The following CNTN4 variants were observed in gnomAD, a reference collection of about 807,000 sequenced individuals.
The protein encoded by CNTN4 is contactin 4, also known as contactin-4.
Under a neutral mutation model 122.5 loss-of-function variants are expected in CNTN4, and 77 were observed. The ratio of observed to expected loss-of-function variants is 0.63; its 90% CI spans 0.52 to 0.76. The LOEUF (loss-of-function observed/expected upper bound fraction) is 0.76. Among genes scored for constraint, CNTN4 ranks in the 30% least tolerant of loss-of-function variants. The pLI, the probability that CNTN4 is intolerant of heterozygous loss-of-function variation, is 0.00. For synonymous variants in CNTN4, 512 were observed against 447.0 expected (o/e 1.15, Z -1.83); for missense variants, 1,256 against 1,259.1 (o/e 1.00, Z 0.04).
At chr3:2,996,755 A>G (rs1455487926) in intron 14 of CNTN4, among the ~76,000 whole-genome samples, 1 of 152,174 alleles carries the variant, frequency 6.6e-6, no homozygotes, top group Non-Finnish European at 1.5e-5. Context: ...TTCATTCTTC[A>G]TGACTGTCAT....
chr3:2,811,207 C>T (rs547813564), intron 6 of CNTN4, among the ~76,000 whole-genome samples: 6 of 151,352 alleles, frequency 4.0e-5, no homozygotes, highest in Non-Finnish European at 5.9e-5. Context: ...GTCAGGAGTT[C>T]GAGACCAGCC....
At position 2,407,710 on chromosome 3, in the gene CNTN4, G is replaced by A. The variant is rs75506578; in HGVS notation, c.-89+68477G>A. 2.7e-3 allele frequency among the ~76,000 whole-genome samples: 413 copies of A among 152,188 alleles called. 4 individuals are homozygous for A. Among genetic ancestry groups the A allele is most frequent in the African/African-American group, 9.0e-3 (373 of 41,522 alleles). On this transcript the variant is annotated intron_variant, in intron 3 of 24. Transcript: ENST00000418658. ...TATGTTAAAATTGATTCCCAAATGC[G>A]TCAAAATGTCGTATCTGTGGTCTGA...
chr3:2,941,248 A>G (rs1389396542), intron 13 of CNTN4, among the ~76,000 whole-genome samples: 1 of 152,018 alleles, frequency 6.6e-6, no homozygotes, highest in Non-Finnish European at 1.5e-5. Flanking sequence ...GCACATCTGC[A>G]TCTTCCTCAT....
chr3:2,803,803 C>T (rs754515456), intron 6 of CNTN4, among the ~76,000 whole-genome samples: 1 of 152,000 alleles, frequency 6.6e-6, no homozygotes, highest in African/African-American at 2.4e-5. Context: ...TCAGGTGATC[C>T]ACCTGCCTTG....
chr3:2,552,353 A>G (rs952328227), intron 3 of CNTN4, among the ~76,000 whole-genome samples: 3 of 152,216 alleles, frequency 2.0e-5, no homozygotes, highest in African/African-American at 7.2e-5. Context: ...CTTTTAAAGA[A>G]AAGGTAAAAG....
At chr3:2,484,205 G>A (rs994551311) in intron 3 of CNTN4, among the ~76,000 whole-genome samples, 2 of 151,984 alleles carry the variant, frequency 1.3e-5, no homozygotes, top group Non-Finnish European at 2.9e-5. Flanking sequence ...ATGAAAAGAT[G>A]CTACACACCA....
At chr3:3,004,952 G>C (rs1054065896) in intron 14 of CNTN4, among the ~76,000 whole-genome samples, 5 of 152,162 alleles carry the variant, frequency 3.3e-5, no homozygotes, top group Non-Finnish European at 7.4e-5. Context: ...GCAAGTTGAA[G>C]CTCCTTCTTT....
At chr3:2,941,590 A>G (rs576167899) in intron 13 of CNTN4, among the ~76,000 whole-genome samples, 6 of 152,164 alleles carry the variant, frequency 3.9e-5, no homozygotes, top group Non-Finnish European at 5.9e-5. Context: ...AACATAATCT[A>G]TCTCCTTCTT....
At chr3:2,936,895 G>A (rs2094571528) in intron 13 of CNTN4, among the ~76,000 whole-genome samples, 1 of 152,186 alleles carries the variant, frequency 6.6e-6, no homozygotes, top group Admixed American at 6.5e-5. Flanking sequence ...ACAGGACACA[G>A]CCATACTCAT....
intron 2 of CNTN4, among the ~76,000 whole-genome samples, chr3:2,209,665 T>C (rs930898426): frequency 1.1e-4 from 17 of 147,860 alleles, no homozygotes; most frequent in Non-Finnish European, 1.8e-4. Context: ...AGCTGAGATT[T>C]TGACTTTATG....
chr3:3,003,726 C>T (rs1696308687), intron 14 of CNTN4, among the ~76,000 whole-genome samples: 1 of 145,488 alleles, frequency 6.9e-6, no homozygotes, highest in South Asian at 2.3e-4. Context: ...AAAAAAACCC[C>T]ACTGAATTGT....
At chr3:2,883,563 C>T (rs1313347935) in intron 9 of CNTN4, among the ~76,000 whole-genome samples, 1 of 152,162 alleles carries the variant, frequency 6.6e-6, no homozygotes. Flanking sequence ...GACAGGAAAA[C>T]AATGGCCTCC....
intron 3 of CNTN4, among the ~76,000 whole-genome samples, chr3:2,449,672 C>A (rs998212854): frequency 6.6e-6 from 1 of 150,566 alleles, no homozygotes; most frequent in African/African-American, 2.4e-5. Context: ...GATTTCAATT[C>A]TTTTGGACAT....
intron 3 of CNTN4, among the ~76,000 whole-genome samples, chr3:2,500,566 C>T (rs2076568783): frequency 6.6e-6 from 1 of 151,900 alleles, no homozygotes; most frequent in Non-Finnish European, 1.5e-5. Context: ...TTTCTGGTTG[C>T]TTTTTAAGAT....
chr3:2,169,454 T>A (rs1212689589), intron 2 of CNTN4, among the ~76,000 whole-genome samples: 3 of 152,144 alleles, frequency 2.0e-5, no homozygotes, highest in Admixed American at 6.5e-5. Flanking sequence ...TCACTCAGGC[T>A]GGAGTGCGGT....
intron 8 of CNTN4, among the ~76,000 whole-genome samples, chr3:2,878,553 C>CTGTGTGTGTGTG (rs60925207): frequency 0.042 from 6,220 of 146,854 alleles, 151 homozygotes; most frequent in South Asian, 0.057. Flanking sequence ...GAGATGCTCT[C>CTGTGTGTGTGTG]TGTGTGTGTG....
At chr3:2,293,659 G>C (rs113085788) in intron 2 of CNTN4, among the ~76,000 whole-genome samples, 3,585 of 152,226 alleles carry the variant, frequency 0.024, 140 homozygotes, top group African/African-American at 0.082. Context: ...ACAGGGTGCT[G>C]TTATTACTTT....
At chr3:2,898,676 T>G (rs1279938760) in intron 10 of CNTN4, among the ~76,000 whole-genome samples, 1 of 152,244 alleles carries the variant, frequency 6.6e-6, no homozygotes, top group East Asian at 1.9e-4. Context: ...TGATGTTTCC[T>G]TTTTGAACTT....
chr3:2,621,503 G>T (rs1307793914), intron 4 of CNTN4, among the ~76,000 whole-genome samples: 5 of 152,020 alleles, frequency 3.3e-5, no homozygotes, highest in East Asian at 1.9e-4. Context: ...GTCGGGGGGT[G>T]GGGGGCTAGT....
Sources: gnomAD v4.1 joint callset for allele counts (sites outside exome capture counted in the v4.1 genomes callset) on GRCh38, gnomAD v4.1.1 for gene constraint, MANE v1.5 for transcripts, NCBI Gene and HGNC (gene_info 2026-07-23, HGNC 2026-07-21) for gene names.